Variants in FCRL2 observed in about 807,000 individuals in gnomAD.
FCRL2 encodes Fc receptor like 2.
A neutral mutation model predicts 59.8 loss-of-function variants in FCRL2; 48 were observed. The ratio of observed to expected loss-of-function variants is 0.80; its 90% CI spans 0.64 to 1.02. FCRL2 has a LOEUF of 1.02. Ranked by LOEUF, FCRL2 falls within the 50% of genes least tolerant of loss-of-function variation. The pLI is 0.00. For missense variants in FCRL2, 658 were observed against 597.3 expected (o/e 1.10, Z -1.06); for synonymous variants, 251 against 229.5 (o/e 1.09, Z -0.85).
chr1:157,749,194 T>TG (rs1647998145), intron 8 of FCRL2, among the ~76,000 whole-genome samples: 1 of 152,040 alleles, frequency 6.6e-6, no homozygotes, highest in Admixed American at 6.6e-5. Context: ...AGAATCTTTT[T>TG]TTTTCTTATA....
chr1:157,775,766 A>G lies in FCRL2; in HGVS notation c.52+9T>C, dbSNP rs903362969. 3 of 1,614,088 alleles carry G rather than the reference A, an allele frequency of 1.9e-6. No homozygotes were observed. The highest frequency in any genetic ancestry group is 2.5e-6 in the Non-Finnish European group (3 of 1,179,944). ...GAGACCAAGAACAACAAAGACAAGG[A>G]GGACTCACCTGCCTGTTCAGTGACT... On this transcript the variant is annotated intron_variant, in intron 2 of 11. Transcript: ENST00000361516.
chr1:157,765,790 C>G (rs1649445747), intron 7 of FCRL2, among the ~76,000 whole-genome samples: 1 of 152,160 alleles, frequency 6.6e-6, no homozygotes, highest in Non-Finnish European at 1.5e-5. Flanking sequence ...GATACCTAGG[C>G]AAGTTTGAAG....
chr1:157,774,466 G>T (rs1363934890), intron 2 of FCRL2: 2 of 456,158 alleles, frequency 4.4e-6, no homozygotes, highest in African/African-American at 4.0e-5. Flanking sequence ...TTTTTAAAAA[G>T]AAAAGATCTC....
At chr1:157,764,340 G>GA (rs1007195834) in intron 7 of FCRL2, among the ~76,000 whole-genome samples, 1 of 152,106 alleles carries the variant, frequency 6.6e-6, no homozygotes, top group African/African-American at 2.4e-5. Context: ...ATTGCTTAAA[G>GA]AAAAAATAGA....
chr1:157,761,932 A>G (rs1023802645), intron 7 of FCRL2, among the ~76,000 whole-genome samples: 4 of 152,216 alleles, frequency 2.6e-5, no homozygotes, highest in Non-Finnish European at 5.9e-5. Flanking sequence ...TACTAAGGAC[A>G]ACTAGAAAGG....
chr1:157,764,246 A>T (rs1649332056), intron 7 of FCRL2, among the ~76,000 whole-genome samples: 1 of 152,068 alleles, frequency 6.6e-6, no homozygotes, highest in Admixed American at 6.6e-5. Flanking sequence ...AAAAAAACAC[A>T]AAAATAAAGG....
chr1:157,763,247 G>A (rs192847081), intron 7 of FCRL2, among the ~76,000 whole-genome samples: 78 of 152,300 alleles, frequency 5.1e-4, no homozygotes, highest in Non-Finnish European at 7.6e-4. Flanking sequence ...TATAGATGGG[G>A]TGCCGTGGCT....
rs1557865426 is a variant in FCRL2, at chr1:157,767,366, TCCCAAGGGTG to T, written c.1017_1026del (p.Leu341AlafsTer15). 1 of 1,614,158 alleles carries T rather than the reference TCCCAAGGGTG, an allele frequency of 6.2e-7. No individual in the cohort carries two copies. Among genetic ancestry groups the T allele is most frequent in the South Asian group, 1.1e-5 (1 of 91,084 alleles). On this transcript the variant is annotated frameshift_variant, in exon 6 of 12. Coordinates refer to ENST00000361516, the MANE Select transcript of FCRL2 (RefSeq NM_030764.4). LOFTEE classifies it high-confidence loss of function. The stretch of plus-strand genomic sequence containing the variant: ...CCTCCTCCAGAGGGGGCCGAGCTGT[TCCCAAGGGTG>T]ACATCCTCATGATAAAATTGGTACA...
At chr1:157,774,420 C>T (rs1226843554) in intron 2 of FCRL2, 4 of 456,260 alleles carry the variant, frequency 8.8e-6, no homozygotes, top group African/African-American at 2.0e-5. Flanking sequence ...CCTGCTCTTT[C>T]CAGTACATCA....
At position 157,746,100 on chromosome 1, in the gene FCRL2, T is replaced by C. The variant is rs1647721561; in HGVS notation, c.*636A>G. On this transcript the variant is annotated 3_prime_UTR_variant, in exon 12 of 12. Coordinates refer to ENST00000361516, the MANE Select transcript of FCRL2 (RefSeq NM_030764.4). ...TGAAGTTGAATTAGTAATAAAAAAC[T>C]TACCAACCAACACAAAAGCCCTAGA... 1.3e-5 allele frequency: 2 copies of C among 152,090 alleles called. No individual in the cohort carries two copies. The highest frequency in any genetic ancestry group is 4.2e-4 in the South Asian group (2 of 4,814). The allele number at this position is 152,090 out of a possible 1,614,324, so 9.4% of individuals were successfully genotyped here. A position where few individuals can be genotyped will look rare whatever the true frequency, so the allele number is the denominator to read the frequency against.
chr1:157,748,469 TAAATA>T (rs1337289332), intron 10 of FCRL2, 79 bp downstream of exon 10: 1 of 620,028 alleles, frequency 1.6e-6, no homozygotes, highest in Admixed American at 3.1e-5. Flanking sequence ...AATAAATAAA[TAAATA>T]AATAAAGCCT....
chr1:157,767,825 T>C, intron 5 of FCRL2: 1 of 777,450 alleles, frequency 1.3e-6, no homozygotes, highest in Non-Finnish European at 1.9e-6. Context: ...AGGAAATAAT[T>C]TTAAGATTTC....
intron 7 of FCRL2, among the ~76,000 whole-genome samples, chr1:157,749,919 G>A (rs1229406614): frequency 1.3e-5 from 2 of 152,074 alleles, no homozygotes; most frequent in African/African-American, 2.4e-5. Flanking sequence ...GTCATGCACT[G>A]GTAACTGTTT....
intron 10 of FCRL2, among the ~76,000 whole-genome samples, chr1:157,748,025 T>A (rs975527376): frequency 1.3e-5 from 2 of 152,168 alleles, no homozygotes; most frequent in African/African-American, 2.4e-5. Context: ...ACCCTATTTT[T>A]TTTTTTAAGT....
intron 7 of FCRL2, among the ~76,000 whole-genome samples, chr1:157,765,860 T>A (rs1649450255): frequency 6.6e-6 from 1 of 152,234 alleles, no homozygotes; most frequent in Non-Finnish European, 1.5e-5. Flanking sequence ...TTGAAATTCA[T>A]TGATTAAATG....
At chr1:157,761,590 C>A (rs908694697) in intron 7 of FCRL2, among the ~76,000 whole-genome samples, 2 of 152,080 alleles carry the variant, frequency 1.3e-5, no homozygotes, top group African/African-American at 4.8e-5. Flanking sequence ...GCCTCGGCAA[C>A]AGAGCAAGAC....
At chr1:157,770,768 A>G in intron 2 of FCRL2, 102 bp from the exon 3 acceptor site, 3 of 1,262,952 alleles carry the variant, frequency 2.4e-6, no homozygotes, top group Non-Finnish European at 2.2e-6. Context: ...TACTTCTTTA[A>G]ACAAGATGGA....
rs1649875530 is a variant in FCRL2, at chr1:157,770,055, T to G, written c.406A>C (p.Arg136=). Residue 136 remains arginine (R), a synonymous_variant, in exon 4 of 12, where the codon AGG becomes CGG. Coordinates refer to ENST00000361516, the MANE Select transcript of FCRL2 (RefSeq NM_030764.4). ...CAGAACTGGAGTTGAACATCCAACC[T>G]CTGTGGAGAGAGCCGGGTCTCACAT... ...LKCETRLSPQ[R]LDVQLQFCFF... 1.9e-6 allele frequency: 3 copies of G among 1,614,168 alleles called. No homozygotes were observed. The South Asian group carries it at 3.3e-5, about 18-fold the overall frequency.
At chr1:157,770,259 C>A (rs1649897385) in intron 3 of FCRL2, 109 bp from the exon 4 acceptor site, 2 of 1,449,700 alleles carry the variant, frequency 1.4e-6, no homozygotes, top group South Asian at 2.6e-5. Flanking sequence ...GAGCTAGACA[C>A]CTCTCACCCA....
Sources: gnomAD v4.1 joint callset for allele counts (sites outside exome capture counted in the v4.1 genomes callset) on GRCh38, gnomAD v4.1.1 for gene constraint, MANE v1.5 for transcripts, NCBI Gene and HGNC (gene_info 2026-07-23, HGNC 2026-07-21) for gene names.